The following CTNNA2 variants were observed in gnomAD, a reference collection of about 807,000 sequenced individuals.
CTNNA2 encodes the protein catenin alpha-2.
Under a neutral mutation model 101.0 loss-of-function variants are expected in CTNNA2, and 42 were observed. The observed-to-expected ratio is 0.42, with a 90% CI of 0.32 to 0.54. The LOEUF (loss-of-function observed/expected upper bound fraction) is 0.54. Among genes scored for constraint, CTNNA2 ranks in the 20% least tolerant of loss-of-function variants. The pLI is 0.14. For missense variants in CTNNA2, 871 were observed against 1,223.1 expected (o/e 0.71, Z 4.29); for synonymous variants, 450 against 456.4 (o/e 0.99, Z 0.18).
intron 1 of CTNNA2, among the ~76,000 whole-genome samples, chr2:79,609,272 A>G (rs1678111278): frequency 6.6e-6 from 1 of 151,992 alleles, no homozygotes; most frequent in South Asian, 2.1e-4. Flanking sequence ...TAAGGCTGTC[A>G]GATAACATAT....
chr2:80,490,848 T>C (rs900226063), intron 9 of CTNNA2, among the ~76,000 whole-genome samples: 5 of 152,176 alleles, frequency 3.3e-5, no homozygotes, highest in Admixed American at 6.5e-5. Context: ...CAAATTCCAA[T>C]ACTAGAAATA....
intron 1 of CTNNA2, among the ~76,000 whole-genome samples, chr2:79,526,104 C>A (rs1360397938): frequency 1.3e-5 from 2 of 151,786 alleles, no homozygotes; most frequent in Non-Finnish European, 2.9e-5. Context: ...CAAGTTAATA[C>A]CATATGAAAT....
intron 7 of CTNNA2, among the ~76,000 whole-genome samples, chr2:79,917,053 T>G (rs1686289851): frequency 6.6e-6 from 1 of 150,856 alleles, no homozygotes; most frequent in Admixed American, 6.6e-5. Context: ...TTCAAGCAAT[T>G]CTCAGCCTTA....
chr2:79,747,295 G>A (rs1315405017), intron 3 of CTNNA2, among the ~76,000 whole-genome samples: 2 of 152,128 alleles, frequency 1.3e-5, no homozygotes, highest in Admixed American at 1.3e-4. Context: ...GCAGATGGAC[G>A]CTTGTTTGTT....
At chr2:79,596,391 A>G (rs990770622) in intron 1 of CTNNA2, among the ~76,000 whole-genome samples, 1 of 152,204 alleles carries the variant, frequency 6.6e-6, no homozygotes, top group Non-Finnish European at 1.5e-5. Flanking sequence ...GTTATAATAT[A>G]TATAAGTTCC....
At chr2:79,680,170 A>C (rs145768757) in intron 2 of CTNNA2, among the ~76,000 whole-genome samples, 14 of 151,940 alleles carry the variant, frequency 9.2e-5, no homozygotes. Context: ...TGTTGTTTTA[A>C]ATGAGGCAGC....
intron 1 of CTNNA2, among the ~76,000 whole-genome samples, chr2:79,588,902 G>T (rs372734002): frequency 6.6e-6 from 1 of 152,104 alleles, no homozygotes; most frequent in Non-Finnish European, 1.5e-5. Context: ...TTAGCCTTTG[G>T]CAATTTGGGT....
At chr2:79,720,430 A>G (rs1345959659) in intron 2 of CTNNA2, among the ~76,000 whole-genome samples, 3 of 152,122 alleles carry the variant, frequency 2.0e-5, no homozygotes, top group Non-Finnish European at 4.4e-5. Context: ...TCTGTGAAGT[A>G]TGATATTAGT....
chr2:79,971,375 C>T (rs989888289), intron 7 of CTNNA2, among the ~76,000 whole-genome samples: 1 of 152,076 alleles, frequency 6.6e-6, no homozygotes, highest in East Asian at 1.9e-4. Flanking sequence ...TTCATATATA[C>T]ATCTCATTTC....
intron 3 of CTNNA2, among the ~76,000 whole-genome samples, chr2:79,351,367 T>C (rs1315609733): frequency 6.6e-6 from 1 of 152,214 alleles, no homozygotes; most frequent in Admixed American, 6.5e-5. Context: ...TGCCTGTAGC[T>C]AGCCAATTTT....
At chr2:80,212,333 A>C (rs1197285493) in intron 7 of CTNNA2, among the ~76,000 whole-genome samples, 1 of 152,190 alleles carries the variant, frequency 6.6e-6, no homozygotes, top group African/African-American at 2.4e-5. Context: ...TTGCCCATTC[A>C]GTATGATATT....
chr2:80,589,525 A>T, intron 15 of CTNNA2, 40 bp downstream of exon 15: 1 of 1,594,562 alleles, frequency 6.3e-7, no homozygotes, highest in Non-Finnish European at 8.6e-7. Context: ...TTTTTCATTA[A>T]ACCCAGAAGT....
At chr2:79,804,039 A>G (rs1676373194) in intron 3 of CTNNA2, among the ~76,000 whole-genome samples, 1 of 152,258 alleles carries the variant, frequency 6.6e-6, no homozygotes, top group African/African-American at 2.4e-5. Context: ...TCTCAAATCA[A>G]GACATAATTC....
intron 3 of CTNNA2, among the ~76,000 whole-genome samples, chr2:79,316,783 T>C (rs779167433): frequency 1.3e-5 from 2 of 151,962 alleles, no homozygotes; most frequent in Non-Finnish European, 2.9e-5. Flanking sequence ...AATTCATTTA[T>C]TATCCCTAAT....
intron 2 of CTNNA2, among the ~76,000 whole-genome samples, chr2:79,684,230 A>T (rs1683779268): frequency 6.6e-6 from 1 of 152,186 alleles, no homozygotes; most frequent in Admixed American, 6.5e-5. Context: ...ACCAAAATAA[A>T]AGTTCATGAA....
chr2:80,248,627 T>C (rs2149102479), intron 7 of CTNNA2, among the ~76,000 whole-genome samples: 1 of 152,160 alleles, frequency 6.6e-6, no homozygotes, highest in Non-Finnish European at 1.5e-5. Context: ...CCCCGGAGAG[T>C]CTGTCTCTCA....
chr2:80,306,510 C>T (rs1245195869), intron 7 of CTNNA2, among the ~76,000 whole-genome samples: 1 of 150,258 alleles, frequency 6.7e-6, no homozygotes, highest in Admixed American at 6.7e-5. Flanking sequence ...CTCTCTGTCA[C>T]TCTTGCTGCC....
At chr2:80,099,003 A>C (rs1023985510) in intron 7 of CTNNA2, among the ~76,000 whole-genome samples, 6 of 151,484 alleles carry the variant, frequency 4.0e-5, no homozygotes, top group Non-Finnish European at 8.8e-5. Flanking sequence ...GGTGCATTGC[A>C]CCCACTGTCC....
rs1325935241 is a variant in CTNNA2, at chr2:79,613,364, TC to T, written c.-5-38187del. On this transcript the variant is annotated intron_variant, in intron 1 of 18. Transcript: ENST00000402739. Reference sequence around the variant, plus strand: ...ATGTATTCTTTGGTTTTTTTTTTTTTCTTGAAATAGGAAGAGACAACTACAA... The same window carrying T: ...ATGTATTCTTTGGTTTTTTTTTTTTTTTGAAATAGGAAGAGACAACTACAA... 2.6e-5 allele frequency among the ~76,000 whole-genome samples: 4 copies of T among 151,580 alleles called. 1 individual carries two copies. The highest frequency in any genetic ancestry group is 4.4e-5 in the Non-Finnish European group (3 of 67,890).
Sources: allele counts gnomAD v4.1 joint callset (sites outside exome capture counted in the v4.1 genomes callset), GRCh38; gene constraint gnomAD v4.1.1; transcripts MANE v1.5; gene names NCBI Gene and HGNC (gene_info 2026-07-23, HGNC 2026-07-21).